The following SEMA4D variants were observed in gnomAD, a reference collection of about 807,000 sequenced individuals.
SEMA4D encodes semaphorin-4D.
A neutral mutation model predicts 74.8 loss-of-function variants in SEMA4D; 22 were observed. The observed-to-expected ratio is 0.29, with a 90% CI of 0.21 to 0.42. The LOEUF (loss-of-function observed/expected upper bound fraction) is 0.42. SEMA4D is among the 10% of genes least tolerant of loss of function. The probability of loss-of-function intolerance (pLI) is 1.00; values close to 1 mark genes in which losing one functional copy is unlikely to be tolerated. For synonymous variants in SEMA4D, 445 were observed against 463.7 expected, an observed-to-expected ratio of 0.96 and a Z score of 0.52; for missense variants, 937 against 1,118.4, an observed-to-expected ratio of 0.84 and a Z score of 2.31.
chr9:89,493,860 A>T (rs1825809885), intron 1 of SEMA4D, among the ~76,000 whole-genome samples: 2 of 152,244 alleles, frequency 1.3e-5, no homozygotes, highest in African/African-American at 4.8e-5. Context: ...CCAACCAGCA[A>T]TGGGGACCCC....
At position 89,386,444 on chromosome 9, in the gene SEMA4D, C is replaced by T. The variant is rs770934477; in HGVS notation, c.1369G>A (p.Ala457Thr). ...ALHKAISLEH[A>T]VHIIEETQLF... ...TGGGTCTCCTCGATGATGTGAACAG[C>T]GTGCTCGAGGCTGATGGCTTTGTGC... Residue 457 changes from alanine to threonine, a missense_variant, in exon 13 of 16, where the codon GCT (alanine) becomes ACT (threonine). Coordinates refer to ENST00000422704, the MANE Select transcript of SEMA4D (RefSeq NM_001371194.2). 9.9e-6 allele frequency: 16 copies of T among 1,613,984 alleles called. No homozygotes were observed. The East Asian group carries it at 2.2e-4, about 22-fold the overall frequency.
chr9:89,401,519 A>C (rs1019185190), intron 4 of SEMA4D, among the ~76,000 whole-genome samples: 1 of 152,084 alleles, frequency 6.6e-6, no homozygotes, highest in African/African-American at 2.4e-5. Context: ...CTAACCCCAC[A>C]CCGCGAGGTC....
At chr9:89,390,000 G>A (rs1839456419) in intron 9 of SEMA4D, among the ~76,000 whole-genome samples, 1 of 151,666 alleles carries the variant, frequency 6.6e-6, no homozygotes, top group Non-Finnish European at 1.5e-5. Flanking sequence ...CAAGTATGGG[G>A]AAAAAAAAGG....
At position 89,388,618 on chromosome 9, in the gene SEMA4D, C is replaced by T; in HGVS notation, c.1107+18G>A. ...CCTTGAAGGGAAAGCACGGCCCGCCCCCAGTGCCCCAGCTCACCGCTCCAG... is the reference window on the plus strand; with the variant it reads ...CCTTGAAGGGAAAGCACGGCCCGCCTCCAGTGCCCCAGCTCACCGCTCCAG... On this transcript the variant is annotated intron_variant, in intron 11 of 15. Coordinates refer to ENST00000422704, the MANE Select transcript of SEMA4D (RefSeq NM_001371194.2). 6.3e-7 allele frequency: 1 copy of T among 1,589,052 alleles called. No homozygotes were observed. The highest frequency in any genetic ancestry group is 8.5e-7 in the Non-Finnish European group (1 of 1,175,780).
At chr9:89,377,001 G>C (rs756830162), downstream of SEMA4D, 299 of 1,549,298 alleles carry the variant, frequency 1.9e-4, no homozygotes, top group Non-Finnish European at 2.4e-4. Context: ...ACATGGCCCA[G>C]ACAGGACAGG....
intron 1 of SEMA4D, among the ~76,000 whole-genome samples, chr9:89,495,947 C>T (rs1402899816): frequency 2.0e-5 from 3 of 152,188 alleles, no homozygotes; most frequent in African/African-American, 7.2e-5. Flanking sequence ...GACGTTCCCT[C>T]CCTCCTCAGT....
chr9:89,479,014 G>A (rs1190398585), intron 1 of SEMA4D, among the ~76,000 whole-genome samples: 1 of 152,216 alleles, frequency 6.6e-6, no homozygotes, highest in Non-Finnish European at 1.5e-5. Flanking sequence ...TACAGTCCTT[G>A]GAAGGCCTGT....
In SEMA4D at chr9:89,495,584, G is replaced by A. The variant is rs564874048; in HGVS notation, c.-310+2335C>T. 9.8e-5 allele frequency among the ~76,000 whole-genome samples: 15 copies of A among 152,306 alleles called. 1 individual carries two copies. The East Asian group carries it at 2.9e-3, about 29-fold the overall frequency. On this transcript the variant is annotated intron_variant, in intron 1 of 15. Coordinates refer to ENST00000422704, the MANE Select transcript of SEMA4D (RefSeq NM_001371194.2). Reference sequence around the variant, plus strand: ...CTTCTCACCTTCTAGTCTTCTTCCTGGAATTGTCCAAGTTCAAAGAAGAAA... The same window carrying A: ...CTTCTCACCTTCTAGTCTTCTTCCTAGAATTGTCCAAGTTCAAAGAAGAAA...
intron 13 of SEMA4D, chr9:89,385,866 G>GGGGGGGGGGGGGGGGCCCCC: frequency 5.1e-6 from 1 of 196,226 alleles, no homozygotes; most frequent in Non-Finnish European, 9.0e-6. Flanking sequence ...CAGCGTGGAT[G>GGGGGGGGGGGGGGGGCCCCC]CCCGCCCACC....
At chr9:89,364,271 G>A in intron 16 of SEMA4D, 1 of 420,054 alleles carries the variant, frequency 2.4e-6, no homozygotes, top group Non-Finnish European at 4.5e-6. Context: ...TCTGGGCCTT[G>A]GAACAGCATC....
At chr9:89,494,644 A>G (rs1437173651) in intron 1 of SEMA4D, among the ~76,000 whole-genome samples, 2 of 152,204 alleles carry the variant, frequency 1.3e-5, no homozygotes, top group Non-Finnish European at 1.5e-5. Context: ...GGAATTGGAG[A>G]TCTCCGATTA....
chr9:89,395,037 C>T (rs796665656), intron 6 of SEMA4D, among the ~76,000 whole-genome samples: 13 of 152,258 alleles, frequency 8.5e-5, no homozygotes, highest in African/African-American at 2.6e-4. Flanking sequence ...CACACAGACA[C>T]GTGCACACAC....
At chr9:89,476,497 C>T (rs564429378) in intron 1 of SEMA4D, among the ~76,000 whole-genome samples, 92 of 152,286 alleles carry the variant, frequency 6.0e-4, no homozygotes, top group African/African-American at 2.1e-3. Flanking sequence ...GGGTGGTCCT[C>T]ATCCAATCAG....
intron 2 of SEMA4D, chr9:89,450,397 C>G: frequency 8.4e-7 from 1 of 1,184,706 alleles, no homozygotes; most frequent in East Asian, 2.3e-5. Flanking sequence ...CCATTTACTT[C>G]AAGAGCATGT....
intron 2 of SEMA4D, among the ~76,000 whole-genome samples, chr9:89,415,759 C>T (rs1845577667): frequency 1.3e-5 from 2 of 152,136 alleles, no homozygotes; most frequent in African/African-American, 4.8e-5. Context: ...TTTGAGCAGC[C>T]TGAGCTGACT....
intron 16 of SEMA4D, chr9:89,363,966 G>A (rs751058606): frequency 1.3e-5 from 21 of 1,613,892 alleles, no homozygotes; most frequent in Middle Eastern, 1.6e-4. Flanking sequence ...GACACAGACC[G>A]TTTCCACCTC....
At chr9:89,385,872 C>T in intron 13 of SEMA4D, 7 of 155,878 alleles carry the variant, frequency 4.5e-5, no homozygotes, top group Non-Finnish European at 8.9e-5. Context: ...GGATGCCCGC[C>T]CACCCACCCC....
chr9:89,491,299 G>A (rs763905404), intron 1 of SEMA4D, among the ~76,000 whole-genome samples: 1 of 152,206 alleles, frequency 6.6e-6, no homozygotes, highest in African/African-American at 2.4e-5. Flanking sequence ...TCTGGGCACC[G>A]TGGCTCACAC....
chr9:89,480,370 A>G (rs1588174324), intron 1 of SEMA4D, among the ~76,000 whole-genome samples: 1 of 152,274 alleles, frequency 6.6e-6, no homozygotes, highest in African/African-American at 2.4e-5. Context: ...TGGATCCCGC[A>G]CCGGGGCTGC....
Sources: allele counts gnomAD v4.1 joint callset (sites outside exome capture counted in the v4.1 genomes callset), GRCh38; gene constraint gnomAD v4.1.1; transcripts MANE v1.5; gene names NCBI Gene and HGNC (gene_info 2026-07-23, HGNC 2026-07-21).